Variants in ATRNL1 observed in about 807,000 individuals in gnomAD.
The protein encoded by ATRNL1 is attractin-like protein 1.
ATRNL1 carries 95 observed loss-of-function variants against 182.7 expected under a neutral mutation model. The ratio of observed to expected loss-of-function variants is 0.52; its 90% CI spans 0.44 to 0.62. The LOEUF is 0.62. Ranked by LOEUF, ATRNL1 falls within the 20% of genes least tolerant of loss-of-function variation. The pLI is 0.00. For synonymous variants in ATRNL1, 576 were observed against 568.3 expected (o/e 1.01, Z -0.19); for missense variants, 1,471 against 1,679.5 (o/e 0.88, Z 2.17).
chr10:115,344,720 G>T (rs782624485), intron 19 of ATRNL1, among the ~76,000 whole-genome samples: 4 of 152,206 alleles, frequency 2.6e-5, no homozygotes, highest in Non-Finnish European at 5.9e-5. Context: ...TTTAGCCACT[G>T]CAGCTGGTAA....
chr10:115,793,617 G>A (rs2134216977), intron 27 of ATRNL1, among the ~76,000 whole-genome samples: 1 of 152,216 alleles, frequency 6.6e-6, no homozygotes, highest in Admixed American at 6.5e-5. Context: ...AGATGAGAAA[G>A]AACCATAAAG....
intron 21 of ATRNL1, among the ~76,000 whole-genome samples, chr10:115,427,099 G>A (rs1385540505): frequency 1.3e-5 from 2 of 152,138 alleles, no homozygotes; most frequent in Non-Finnish European, 2.9e-5. Context: ...CACCAGCAGT[G>A]TATGAGAGTT....
intron 26 of ATRNL1, among the ~76,000 whole-genome samples, chr10:115,596,980 CA>C (rs1266281174): frequency 1.7e-5 from 2 of 116,284 alleles, no homozygotes; most frequent in African/African-American, 5.3e-5. Flanking sequence ...GTATGAACAA[CA>C]AAAAAGGTTA....
chr10:115,238,626 GGTTGTT>G (rs540163057), intron 9 of ATRNL1, among the ~76,000 whole-genome samples: 1 of 151,684 alleles, frequency 6.6e-6, no homozygotes, highest in African/African-American at 2.4e-5. Flanking sequence ...GGGTTTTTTT[GGTTGTT>G]GTTGTTGTTG....
At chr10:115,915,005 T>C (rs1156402059) in intron 28 of ATRNL1, among the ~76,000 whole-genome samples, 1 of 152,224 alleles carries the variant, frequency 6.6e-6, no homozygotes, top group Admixed American at 6.5e-5. Flanking sequence ...TTTTTCTCTT[T>C]GGACAAAAAA....
chr10:115,174,402 CT>C (rs1554886354), intron 8 of ATRNL1, among the ~76,000 whole-genome samples: 1 of 151,680 alleles, frequency 6.6e-6, no homozygotes, highest in Non-Finnish European at 1.5e-5. Context: ...TTAACTTAGT[CT>C]AAAGTTAAGC....
chr10:115,377,425 G>T (rs1346096388), intron 19 of ATRNL1, among the ~76,000 whole-genome samples: 1 of 152,042 alleles, frequency 6.6e-6, no homozygotes, highest in Non-Finnish European at 1.5e-5. Context: ...ATTCTTCTTC[G>T]CAGTCTTGGG....
intron 17 of ATRNL1, among the ~76,000 whole-genome samples, chr10:115,314,788 G>A (rs575356599): frequency 6.6e-6 from 1 of 152,152 alleles, no homozygotes; most frequent in African/African-American, 2.4e-5. Flanking sequence ...AGTCTCATAG[G>A]TTATACCTGA....
intron 14 of ATRNL1, among the ~76,000 whole-genome samples, chr10:115,283,814 T>C (rs1554917761): frequency 6.6e-6 from 1 of 152,192 alleles, no homozygotes; most frequent in African/African-American, 2.4e-5. Flanking sequence ...TAAAGTTACT[T>C]TTGGTAGTAC....
intron 26 of ATRNL1, among the ~76,000 whole-genome samples, chr10:115,689,437 G>T (rs1397382534): frequency 1.3e-5 from 2 of 152,182 alleles, no homozygotes; most frequent in African/African-American, 4.8e-5. Flanking sequence ...GCAAAACAAA[G>T]TATATTATGT....
At chr10:115,790,975 A>G (rs1238022342) in intron 27 of ATRNL1, among the ~76,000 whole-genome samples, 2 of 152,250 alleles carry the variant, frequency 1.3e-5, no homozygotes, top group Non-Finnish European at 2.9e-5. Flanking sequence ...AACCCAGAAG[A>G]GTCAGAGACA....
chr10:115,646,309 A>G (rs1859612422), intron 26 of ATRNL1, among the ~76,000 whole-genome samples: 1 of 152,152 alleles, frequency 6.6e-6, no homozygotes, highest in Non-Finnish European at 1.5e-5. Flanking sequence ...ATTTAGTAAT[A>G]CTAATTATAA....
At chr10:115,512,425 G>C (rs1850430187) in intron 24 of ATRNL1, among the ~76,000 whole-genome samples, 1 of 151,508 alleles carries the variant, frequency 6.6e-6, no homozygotes, top group Admixed American at 6.6e-5. Flanking sequence ...CTTTTAATAA[G>C]GATATTTGAA....
At chr10:115,176,410 CA>C (rs1847509310) in intron 8 of ATRNL1, among the ~76,000 whole-genome samples, 1 of 151,882 alleles carries the variant, frequency 6.6e-6, no homozygotes. Flanking sequence ...GTTTTGGCTG[CA>C]TGTTGTAAAT....
intron 26 of ATRNL1, among the ~76,000 whole-genome samples, chr10:115,651,092 A>G (rs1555034208): frequency 6.6e-6 from 1 of 152,188 alleles, no homozygotes; most frequent in Non-Finnish European, 1.5e-5. Context: ...ACACATAACT[A>G]CAAGCCCTTA....
At chr10:115,339,537 C>G (rs1272166106) in intron 19 of ATRNL1, among the ~76,000 whole-genome samples, 8 of 152,010 alleles carry the variant, frequency 5.3e-5, no homozygotes, top group African/African-American at 1.9e-4. Flanking sequence ...AGAAATGCTA[C>G]TGATTTTTGT....
intron 28 of ATRNL1, among the ~76,000 whole-genome samples, chr10:115,927,123 A>G (rs1320564300): frequency 1.3e-5 from 2 of 152,170 alleles, no homozygotes; most frequent in African/African-American, 4.8e-5. Context: ...ACACAAATCA[A>G]TAAATATAAT....
At chr10:115,296,789 T>A (rs1472745862) in intron 15 of ATRNL1, among the ~76,000 whole-genome samples, 2 of 152,204 alleles carry the variant, frequency 1.3e-5, no homozygotes, top group Non-Finnish European at 2.9e-5. Context: ...TGTAGCTATT[T>A]TTCTGTGAAG....
Position 115,469,294 on chromosome 10 carries a change from T to C in ATRNL1, c.3619T>C (p.Tyr1207His). ...RSNPNITFYV[Y>H]VSNFSWPIKI... ...CAATCCTAACATTACATTCTATGTG[T>C]ACGTCAGCAACTTTTCCTGGCCTAT... Residue 1207 changes from tyrosine (Y) to histidine (H), a missense_variant, in exon 24 of 29, where the codon TAC becomes CAC. Tyr to His is a moderately conservative substitution (Grantham distance 83, BLOSUM62 2). Transcript: ENST00000355044. The C allele has an allele frequency of 6.5e-7, 1 of 1,534,434 alleles. No homozygotes were observed. The highest frequency in any genetic ancestry group is 8.7e-7 in the Non-Finnish European group (1 of 1,145,434).
Sources: allele counts gnomAD v4.1 joint callset (sites outside exome capture counted in the v4.1 genomes callset), GRCh38; gene constraint gnomAD v4.1.1; transcripts MANE v1.5; gene names NCBI Gene and HGNC (gene_info 2026-07-23, HGNC 2026-07-21).